The following MTHFD2L variants were observed in gnomAD, a reference collection of about 807,000 sequenced individuals.
The protein encoded by MTHFD2L is bifunctional methylenetetrahydrofolate dehydrogenase/cyclohydrolase 2, mitochondrial.
Under a neutral mutation model 34.9 loss-of-function variants are expected in MTHFD2L, and 29 were observed. The ratio of observed to expected loss-of-function variants is 0.83; its 90% CI spans 0.62 to 1.13. MTHFD2L has a LOEUF of 1.13. Ranked by LOEUF, MTHFD2L falls within the 50% of genes most tolerant of loss-of-function variation. The probability of loss-of-function intolerance (pLI) is 0.00; values close to 1 mark genes in which losing one functional copy is unlikely to be tolerated. For synonymous variants in MTHFD2L, 167 were observed against 155.7 expected (o/e 1.07, Z -0.54); for missense variants, 481 against 446.5 (o/e 1.08, Z -0.70).
At chr4:74,217,547 A>G (rs1257496050) in intron 5 of MTHFD2L, among the ~76,000 whole-genome samples, 1 of 151,780 alleles carries the variant, frequency 6.6e-6, no homozygotes, top group Non-Finnish European at 1.5e-5. Context: ...ATGAACTAAT[A>G]TATTGGGAAT....
At chr4:74,160,400 A>C in intron 1 of MTHFD2L, 1 of 172,432 alleles carries the variant, frequency 5.8e-6, no homozygotes, top group Non-Finnish European at 1.3e-5. Context: ...ATAATAATGG[A>C]ATATTTACAG....
intron 3 of MTHFD2L, among the ~76,000 whole-genome samples, chr4:74,181,134 T>C (rs1361653297): frequency 1.3e-5 from 2 of 152,160 alleles, no homozygotes; most frequent in African/African-American, 4.8e-5. Context: ...GGAATTCTGC[T>C]ATAAATGTTT....
intron 7 of MTHFD2L, among the ~76,000 whole-genome samples, chr4:74,296,960 C>A (rs956659012): frequency 6.6e-6 from 1 of 151,934 alleles, no homozygotes; most frequent in African/African-American, 2.4e-5. Context: ...GAGAAGGGCA[C>A]GTTAGACAAA....
intron 7 of MTHFD2L, among the ~76,000 whole-genome samples, chr4:74,292,274 A>G (rs1408308608): frequency 1.3e-5 from 2 of 152,234 alleles, no homozygotes; most frequent in Non-Finnish European, 2.9e-5. Context: ...TGGATCATCT[A>G]CCTTTATAGA....
intron 6 of MTHFD2L, among the ~76,000 whole-genome samples, chr4:74,249,969 C>T (rs188333625): frequency 1.3e-5 from 2 of 152,116 alleles, no homozygotes; most frequent in East Asian, 3.9e-4. Flanking sequence ...TGGAGTTGCT[C>T]TTCTCGAGGA....
intron 6 of MTHFD2L, among the ~76,000 whole-genome samples, chr4:74,231,719 C>T (rs960091644): frequency 8.5e-5 from 13 of 152,126 alleles, no homozygotes; most frequent in African/African-American, 3.1e-4. Context: ...TTCTGAATCT[C>T]AATCTGTTCA....
chr4:74,143,277 G>A (rs1723388894), intron 1 of MTHFD2L: 7 of 331,646 alleles, frequency 2.1e-5, no homozygotes, highest in Non-Finnish European at 3.0e-5. Context: ...ACAGCCTTCA[G>A]AACGATCTGG....
chr4:74,271,593 G>A (rs1181073030), intron 6 of MTHFD2L, among the ~76,000 whole-genome samples: 1 of 152,194 alleles, frequency 6.6e-6, no homozygotes, highest in Non-Finnish European at 1.5e-5. Flanking sequence ...ATAGTTTGAA[G>A]TCAGGTAGCA....
chr4:74,254,851 T>C (rs1300350540), intron 6 of MTHFD2L, among the ~76,000 whole-genome samples: 1 of 151,918 alleles, frequency 6.6e-6, no homozygotes, highest in Admixed American at 6.6e-5. Context: ...AATTAGTTAA[T>C]TGGCTGGGCG....
intron 1 of MTHFD2L, among the ~76,000 whole-genome samples, chr4:74,146,492 T>C (rs1723601710): frequency 6.6e-6 from 1 of 152,202 alleles, no homozygotes; most frequent in Non-Finnish European, 1.5e-5. Context: ...AAACACTATA[T>C]ACACATTAAC....
intron 7 of MTHFD2L, among the ~76,000 whole-genome samples, chr4:74,282,740 C>T (rs1747663434): frequency 6.6e-6 from 1 of 152,120 alleles, no homozygotes; most frequent in Admixed American, 6.6e-5. Flanking sequence ...CCAAAGAAAA[C>T]ACTGCTGCCC....
intron 6 of MTHFD2L, among the ~76,000 whole-genome samples, chr4:74,248,511 G>T (rs925297309): frequency 2.6e-4 from 38 of 148,746 alleles, no homozygotes; most frequent in Non-Finnish European, 1.6e-4. Context: ...GTTATTTCTT[G>T]CCTTCTGCTA....
chr4:74,138,847 A>G (rs1723114265), intron 1 of MTHFD2L, among the ~76,000 whole-genome samples: 1 of 152,196 alleles, frequency 6.6e-6, no homozygotes. Context: ...CTGGGTTTAT[A>G]TCCCAATCAT....
rs140476423 is a variant in MTHFD2L at position 74,250,198 on chromosome 4, A to T, written c.805+24804A>T. Among the ~76,000 whole-genome samples, 797 of 152,184 alleles carry T rather than the reference A, an allele frequency of 5.2e-3. 22 individuals are homozygous for T. The highest frequency in any genetic ancestry group is 0.044 in the Admixed American group (677 of 15,284). Reference sequence around the variant, plus strand: ...CATTTCTTTTTATTCTTTTTTCTCTAAACTTCCCTTCTTGCTTCGGATTTT... The same window carrying T: ...CATTTCTTTTTATTCTTTTTTCTCTTAACTTCCCTTCTTGCTTCGGATTTT... On this transcript the variant is annotated intron_variant, in intron 6 of 7. Coordinates refer to ENST00000325278, the MANE Select transcript of MTHFD2L (RefSeq NM_001144978.3).
intron 2 of MTHFD2L, 96 bp downstream of exon 2, chr4:74,174,786 CATTTGA>C (rs1383319189): frequency 2.4e-6 from 2 of 828,044 alleles, no homozygotes; most frequent in African/African-American, 3.6e-5. Context: ...AAATAAGTGC[CATTTGA>C]ATTGCATGTA....
At chr4:74,157,891 C>A, upstream of MTHFD2L, 4 of 669,420 alleles carry the variant, frequency 6.0e-6, no homozygotes, top group Non-Finnish European at 1.1e-5. Context: ...ACACTGCACG[C>A]TTCCACATCC....
chr4:74,196,001 CT>C (rs1733404394), intron 3 of MTHFD2L, among the ~76,000 whole-genome samples: 2 of 152,170 alleles, frequency 1.3e-5, no homozygotes, highest in South Asian at 4.2e-4. Flanking sequence ...TTCCCTTTAG[CT>C]TAGTGATTTT....
chr4:74,278,425 T>A (rs1013981336), intron 6 of MTHFD2L, among the ~76,000 whole-genome samples: 10 of 152,102 alleles, frequency 6.6e-5, no homozygotes, highest in African/African-American at 2.4e-4. Flanking sequence ...TCTGTCCAAT[T>A]TGATGTCATT....
upstream of MTHFD2L, among the ~76,000 whole-genome samples, chr4:74,156,119 C>T (rs1724232760): frequency 6.6e-6 from 1 of 152,020 alleles, no homozygotes. Context: ...TTTCCCTCTT[C>T]CTGTTGTAAA....
Sources: gnomAD v4.1 joint callset for allele counts (sites outside exome capture counted in the v4.1 genomes callset) on GRCh38, gnomAD v4.1.1 for gene constraint, MANE v1.5 for transcripts, NCBI Gene and HGNC (gene_info 2026-07-23, HGNC 2026-07-21) for gene names.